Variants in SBF2 observed in about 807,000 individuals in gnomAD.
SBF2 encodes the protein SET binding factor 2.
In SBF2, 112 loss-of-function variants were observed where a neutral mutation model predicts 225.2. That is an observed-to-expected ratio of 0.50 (90% CI 0.43 to 0.58). The LOEUF (loss-of-function observed/expected upper bound fraction) is 0.58. SBF2 is among the 20% of genes least tolerant of loss of function. The pLI is 0.00. For missense variants in SBF2, 1,996 were observed against 2,206.2 expected, an observed-to-expected ratio of 0.90 and a Z score of 1.91; for synonymous variants, 763 against 773.3, an observed-to-expected ratio of 0.99 and a Z score of 0.22.
At chr11:10,169,356 G>A (rs1956099078) in intron 2 of SBF2, among the ~76,000 whole-genome samples, 2 of 151,932 alleles carry the variant, frequency 1.3e-5, no homozygotes, top group African/African-American at 4.8e-5. Context: ...CCCAGCATCT[G>A]GTAACCATCC....
chr11:9,962,801 A>G (rs1308853845), intron 15 of SBF2, among the ~76,000 whole-genome samples: 1 of 152,212 alleles, frequency 6.6e-6, no homozygotes, highest in African/African-American at 2.4e-5. Flanking sequence ...AAAGGAGAAA[A>G]CAAGAAGTAG....
intron 1 of SBF2, among the ~76,000 whole-genome samples, chr11:10,271,269 A>G (rs1228441532): frequency 2.3e-5 from 1 of 43,212 alleles, no homozygotes; most frequent in Admixed American, 2.5e-4. Context: ...TTAATCATTT[A>G]CAATGTTCTG....
intron 2 of SBF2, among the ~76,000 whole-genome samples, chr11:10,071,675 T>C (rs1484132361): frequency 1.3e-5 from 2 of 152,220 alleles, no homozygotes; most frequent in African/African-American, 4.8e-5. Flanking sequence ...ATTCCATCAA[T>C]ATCTAGTTTA....
intron 37 of SBF2, 22 bp from the exon 38 acceptor site, chr11:9,784,460 G>A (rs1852236119): frequency 1.9e-6 from 3 of 1,569,888 alleles, no homozygotes; most frequent in Admixed American, 1.7e-5. Flanking sequence ...GATGACAGGA[G>A]AGTTAATTTT....
chr11:9,889,994 C>T (rs1325511080), intron 17 of SBF2, among the ~76,000 whole-genome samples: 1 of 152,182 alleles, frequency 6.6e-6, no homozygotes, highest in Non-Finnish European at 1.5e-5. Context: ...ACCTCCACCT[C>T]CCAGGTTCAA....
At chr11:9,994,848 C>A (rs1242034296) in intron 9 of SBF2, among the ~76,000 whole-genome samples, 2 of 151,946 alleles carry the variant, frequency 1.3e-5, no homozygotes, top group Non-Finnish European at 2.9e-5. Flanking sequence ...ACCAGCCTGG[C>A]CAACATGGTA....
At chr11:9,797,825 T>C (rs1853223060) in intron 32 of SBF2, among the ~76,000 whole-genome samples, 1 of 151,966 alleles carries the variant, frequency 6.6e-6, no homozygotes, top group South Asian at 2.1e-4. Context: ...AACAAACAAT[T>C]AGCCAGGTGT....
At chr11:10,043,059 T>C in intron 2 of SBF2, 78 bp from the exon 3 acceptor site, 3 of 1,453,780 alleles carry the variant, frequency 2.1e-6, no homozygotes, top group Non-Finnish European at 2.8e-6. Flanking sequence ...ATTTTAAATG[T>C]TTGCCCATTT....
intron 6 of SBF2, among the ~76,000 whole-genome samples, chr11:10,012,447 CA>C (rs1948494253): frequency 6.6e-6 from 1 of 152,176 alleles, no homozygotes; most frequent in Non-Finnish European, 1.5e-5. Context: ...TGGCCTGTTT[CA>C]GTTATCATAC....
chr11:10,240,778 G>C (rs1959198127), intron 1 of SBF2, among the ~76,000 whole-genome samples: 1 of 152,052 alleles, frequency 6.6e-6, no homozygotes, highest in Non-Finnish European at 1.5e-5. Flanking sequence ...GCTTCTTAAT[G>C]TGTTTAGATC....
intron 1 of SBF2, among the ~76,000 whole-genome samples, chr11:10,266,810 C>T (rs541837370): frequency 2.6e-5 from 4 of 152,264 alleles, no homozygotes; most frequent in Non-Finnish European, 5.9e-5. Flanking sequence ...GAAGAGGGTC[C>T]GGGCGTGGTT....
chr11:9,834,985 T>C (rs917825590), intron 26 of SBF2, among the ~76,000 whole-genome samples: 6 of 152,110 alleles, frequency 3.9e-5, no homozygotes, highest in African/African-American at 1.4e-4. Context: ...GCATGACAGC[T>C]GGAGAGCCCC....
intron 2 of SBF2, among the ~76,000 whole-genome samples, chr11:10,059,256 T>C (rs1376881922): frequency 1.3e-5 from 2 of 152,152 alleles, no homozygotes; most frequent in East Asian, 1.9e-4. Context: ...CAATGATATG[T>C]TGTCTTCAAG....
chr11:10,073,532 G>A (rs2134822603), intron 2 of SBF2, among the ~76,000 whole-genome samples: 1 of 152,156 alleles, frequency 6.6e-6, no homozygotes, highest in African/African-American at 2.4e-5. Flanking sequence ...GGCCTACATG[G>A]CGAAACACTG....
At chr11:10,268,824 G>C (rs17361849) in intron 1 of SBF2, among the ~76,000 whole-genome samples, 8,237 of 152,224 alleles carry the variant, frequency 0.054, 310 homozygotes, top group Middle Eastern at 0.14. Flanking sequence ...GAAATTTTCA[G>C]AACTCCAATT....
intron 2 of SBF2, among the ~76,000 whole-genome samples, chr11:10,062,629 C>T (rs1950490285): frequency 6.6e-6 from 1 of 152,080 alleles, no homozygotes; most frequent in African/African-American, 2.4e-5. Flanking sequence ...CAAATCAAAA[C>T]CACAATGAGA....
intron 2 of SBF2, among the ~76,000 whole-genome samples, chr11:10,134,170 C>T (rs1257518444): frequency 6.6e-6 from 1 of 152,084 alleles, no homozygotes; most frequent in African/African-American, 2.4e-5. Flanking sequence ...CATATATATA[C>T]AGGGAAACTC....
chr11:10,082,538 T>C (rs1445054217), intron 2 of SBF2, among the ~76,000 whole-genome samples: 3 of 152,126 alleles, frequency 2.0e-5, no homozygotes, highest in Non-Finnish European at 4.4e-5. Context: ...TAATGCACCA[T>C]GATCAAGTAG....
chr11:10,283,364 A>C (rs567097722), intron 1 of SBF2, among the ~76,000 whole-genome samples: 21 of 152,346 alleles, frequency 1.4e-4, no homozygotes, highest in African/African-American at 5.1e-4. Flanking sequence ...CAATGGTTTA[A>C]CAATAATCAA....
Sources: gnomAD v4.1 joint callset for allele counts (sites outside exome capture counted in the v4.1 genomes callset) on GRCh38, gnomAD v4.1.1 for gene constraint, MANE v1.5 for transcripts, NCBI Gene and HGNC (gene_info 2026-07-23, HGNC 2026-07-21) for gene names.